DTX1: variants seen among roughly 807,000 people sequenced by gnomAD.
DTX1 encodes E3 ubiquitin-protein ligase DTX1.
A neutral mutation model predicts 57.8 loss-of-function variants in DTX1; 26 were observed. The observed-to-expected ratio is 0.45, with a 90% CI of 0.33 to 0.62. The LOEUF (loss-of-function observed/expected upper bound fraction) is 0.62, where lower values mean the gene tolerates loss of function less well. Ranked by LOEUF, DTX1 falls within the 20% of genes least tolerant of loss-of-function variation. DTX1 has a pLI of 0.02. For synonymous variants in DTX1, 398 were observed against 394.1 expected, an observed-to-expected ratio of 1.01 and a Z score of -0.12; for missense variants, 704 against 895.3, an observed-to-expected ratio of 0.79 and a Z score of 2.73.
In DTX1 at chr12:113,097,731, A is replaced by G. The variant is rs1319859458; in HGVS notation, c.*792A>G. On this transcript the variant is annotated 3_prime_UTR_variant, in exon 10 of 10. Transcript: ENST00000548759. ...AAATCGCTCCCAATTTTGAGAGCCA[A>G]AGGCTGGCGCTTCTGACTTCAGGAG... 1 of 152,436 alleles carries G rather than the reference A, an allele frequency of 6.6e-6. No individual in the cohort carries two copies. The highest frequency in any genetic ancestry group is 1.5e-5 in the Non-Finnish European group (1 of 68,030). The allele number at this position is 152,436 out of a possible 1,614,324, so 9.4% of individuals were successfully genotyped here. A position where few individuals can be genotyped will look rare whatever the true frequency, so the allele number is the denominator to read the frequency against.
chr12:113,068,321 C>T (rs1402204688), intron 2 of DTX1, among the ~76,000 whole-genome samples: 1 of 152,224 alleles, frequency 6.6e-6, no homozygotes, highest in Non-Finnish European at 1.5e-5. Flanking sequence ...AACACAGACA[C>T]CTCCGCACCT....
At position 113,094,115 on chromosome 12, in the gene DTX1, G is replaced by A. The variant is rs1438818156; in HGVS notation, c.1227+16G>A. 2.0e-6 allele frequency: 3 copies of A among 1,489,818 alleles called. No homozygotes were observed. Among genetic ancestry groups the A allele is most frequent in the South Asian group, 2.4e-5 (2 of 83,222 alleles). 92.3% of individuals were successfully genotyped at this position (1,489,818 alleles called of 1,614,324 possible). On this transcript the variant is annotated intron_variant, in intron 6 of 9. Transcript: ENST00000548759. ...ACCTGATGAGGTGAGGAGGGGATGG[G>A]GGGGCTGGGGGAGGGCCCTGGCATG...
At position 113,077,925 on chromosome 12, in the gene DTX1, C is replaced by CA; in HGVS notation, c.762dup (p.Gly255ArgfsTer133). The CA allele has an allele frequency of 8.6e-7, 1 of 1,164,122 alleles. No homozygotes were observed. Among genetic ancestry groups the CA allele is most frequent in the Non-Finnish European group, 1.1e-6 (1 of 946,994 alleles). 72.1% of individuals were successfully genotyped at this position (1,164,122 alleles called of 1,614,324 possible). A position where few individuals can be genotyped will look rare whatever the true frequency, so the allele number is the denominator to read the frequency against. On this transcript the variant is annotated frameshift_variant, in exon 3 of 10. Transcript: ENST00000548759. LOFTEE classifies it high-confidence loss of function. This position sits in a 1 kb window ranked among gnomAD's most constrained non-coding sequence, Gnocchi z 7.8. ...GCCGTGCGCCCCAGCGCCACCTTCA[C>CA]AGGCGCCGCGCTCTGGGCAGCGCCC...
chr12:113,092,218 A>T (rs1592855070), intron 3 of DTX1, among the ~76,000 whole-genome samples: 1 of 152,152 alleles, frequency 6.6e-6, no homozygotes, highest in South Asian at 2.1e-4. Context: ...CCAGGATTGC[A>T]CAGCTGACAG....
intron 2 of DTX1, among the ~76,000 whole-genome samples, chr12:113,068,659 T>C (rs2044720762): frequency 6.6e-6 from 1 of 152,224 alleles, no homozygotes; most frequent in Admixed American, 6.5e-5. Flanking sequence ...CTAAGGAGTT[T>C]AGACTGATTC....
At chr12:113,058,579 G>A in intron 2 of DTX1, 128 bp downstream of exon 2, 1 of 1,447,520 alleles carries the variant, frequency 6.9e-7, no homozygotes, top group South Asian at 1.4e-5. Context: ...CTCACCTCCA[G>A]AAAAACAGGG....
chr12:113,087,321 G>A (rs975863289), intron 3 of DTX1, among the ~76,000 whole-genome samples: 1 of 152,220 alleles, frequency 6.6e-6, no homozygotes, highest in African/African-American at 2.4e-5. Context: ...TCAGAGGTTT[G>A]TCTAGGCAGA....
At chr12:113,086,878 G>A (rs922529510) in intron 3 of DTX1, among the ~76,000 whole-genome samples, 6 of 65,498 alleles carry the variant, frequency 9.2e-5, no homozygotes, top group African/African-American at 1.3e-4. Flanking sequence ...CTGTCACCCC[G>A]CCTCACCGCT....
chr12:113,075,129 C>T (rs951536209), intron 2 of DTX1, among the ~76,000 whole-genome samples: 2 of 152,378 alleles, frequency 1.3e-5, no homozygotes, highest in East Asian at 3.9e-4. Context: ...ACTGTTGCTA[C>T]AGCTGGCAAA....
At chr12:113,062,691 G>A (rs1353812737) in intron 2 of DTX1, among the ~76,000 whole-genome samples, 3 of 152,226 alleles carry the variant, frequency 2.0e-5, no homozygotes, top group Admixed American at 6.5e-5. Flanking sequence ...CAGTCTGCTC[G>A]CACAATGCCG....
rs73205298 is a variant in DTX1, at chr12:113,093,906, C to G, written c.1166-132C>G. 198,234 of 1,439,608 alleles carry G rather than the reference C, an allele frequency of 0.14. 15,358 individuals carry two copies. The highest frequency in any genetic ancestry group is 0.17 in the Middle Eastern group (881 of 5,316). The allele number at this position is 1,439,608 out of a possible 1,614,324, so 89.2% of individuals were successfully genotyped here. On this transcript the variant is annotated intron_variant, in intron 5 of 9. Transcript: ENST00000548759. The surrounding 1 kb of genome is among the most constrained non-coding windows in gnomAD (Gnocchi z 4.2). ...ACCCCTGACCTCTGACCCTGGCCAA[C>G]CCTTGCCAGCCTGACCCCGGCCAAC... is the stretch of plus-strand genomic sequence containing the variant.
intron 3 of DTX1, among the ~76,000 whole-genome samples, chr12:113,078,827 C>T (rs145127165): frequency 1.3e-5 from 2 of 152,166 alleles, no homozygotes; most frequent in East Asian, 1.9e-4. Context: ...ACCTGAAATA[C>T]CACAATTACT....
chr12:113,093,185 A>G lies in DTX1; in HGVS notation c.965A>G (p.Asn322Ser), dbSNP rs1950259931. The change falls in exon 4 of 10, where the codon AAC becomes AGC. Residue 322 changes from asparagine (N) to serine (S), a missense_variant. Transcript: ENST00000548759. This position sits in a 1 kb window ranked among gnomAD's most constrained non-coding sequence, Gnocchi z 4.2. ...AGGGTCCCCGCACTCCCGGTGAAGA[A>G]CTTGAATGGTACTGGGCCGGTCCAT... The part of the protein sequence containing the change: ...PPGVPALPVK[N>S]LNGTGPVHPA... 2 of 1,601,012 alleles carry G rather than the reference A, an allele frequency of 1.2e-6. No homozygotes were observed. The highest frequency in any genetic ancestry group is 1.7e-6 in the Non-Finnish European group (2 of 1,174,334).
At chr12:113,090,385 CAG>C (rs1950237782) in intron 3 of DTX1, among the ~76,000 whole-genome samples, 1 of 152,186 alleles carries the variant, frequency 6.6e-6, no homozygotes, top group Admixed American at 6.5e-5. Flanking sequence ...AATGAATACT[CAG>C]TGCCCCTCTT....
intron 2 of DTX1, among the ~76,000 whole-genome samples, chr12:113,063,420 G>C (rs1443793200): frequency 6.6e-6 from 1 of 152,246 alleles, no homozygotes; most frequent in Non-Finnish European, 1.5e-5. Flanking sequence ...GGACAGAGGT[G>C]TAACTCAGCC....
chr12:113,065,643 C>G (rs2044698900), intron 2 of DTX1, among the ~76,000 whole-genome samples: 4 of 151,974 alleles, frequency 2.6e-5, no homozygotes, highest in Admixed American at 6.5e-5. Context: ...TGATGGGAAG[C>G]GTGGGGGCTG....
intron 3 of DTX1, among the ~76,000 whole-genome samples, chr12:113,082,210 A>G (rs145299713): frequency 1.1e-4 from 16 of 152,004 alleles, no homozygotes; most frequent in Non-Finnish European, 1.9e-4. Flanking sequence ...GAACTCCCTC[A>G]TCCCTCCCCA....
chr12:113,065,762 G>T (rs1273835028), intron 2 of DTX1, among the ~76,000 whole-genome samples: 1 of 151,996 alleles, frequency 6.6e-6, no homozygotes, highest in Admixed American at 6.6e-5. Context: ...ATGATGGAGG[G>T]TGTGATGAGA....
intron 3 of DTX1, among the ~76,000 whole-genome samples, chr12:113,085,500 G>C (rs1362240336): frequency 6.6e-6 from 1 of 152,168 alleles, no homozygotes; most frequent in Non-Finnish European, 1.5e-5. Flanking sequence ...CCTGTTTACT[G>C]GCCATGAGTG....
Sources: allele counts gnomAD v4.1 joint callset (sites outside exome capture counted in the v4.1 genomes callset), GRCh38; gene constraint gnomAD v4.1.1; non-coding constraint Gnocchi (gnomAD v3.1); transcripts MANE v1.5; gene names NCBI Gene and HGNC (gene_info 2026-07-23, HGNC 2026-07-21).